DYNC1I1: variants seen among roughly 807,000 people sequenced by gnomAD.
DYNC1I1 encodes the protein cytoplasmic dynein 1 intermediate chain 1.
Under a neutral mutation model 86.6 loss-of-function variants are expected in DYNC1I1, and 43 were observed. That is an observed-to-expected ratio of 0.50 (90% CI 0.39 to 0.64). DYNC1I1 has a LOEUF of 0.64. Ranked by LOEUF, DYNC1I1 falls within the 30% of genes least tolerant of loss-of-function variation. DYNC1I1 has a pLI of 0.00. For synonymous variants in DYNC1I1, 262 were observed against 283.7 expected (o/e 0.92, Z 0.77); for missense variants, 604 against 788.8 (o/e 0.77, Z 2.81).
intron 6 of DYNC1I1, among the ~76,000 whole-genome samples, chr7:95,912,451 ATC>A (rs757850741): frequency 3.3e-5 from 5 of 152,054 alleles, no homozygotes; most frequent in Admixed American, 2.0e-4. Flanking sequence ...GATACGTTTA[ATC>A]TCTCTTGTTC....
At chr7:96,105,024 A>G (rs1427459450) in intron 16 of DYNC1I1, among the ~76,000 whole-genome samples, 3 of 148,962 alleles carry the variant, frequency 2.0e-5, no homozygotes, top group African/African-American at 7.5e-5. Flanking sequence ...GAGTTCACCA[A>G]TAGGTTGTGC....
At chr7:96,018,077 A>C (rs535713005) in intron 10 of DYNC1I1, among the ~76,000 whole-genome samples, 1 of 152,178 alleles carries the variant, frequency 6.6e-6, no homozygotes. Context: ...CGATCTCTAC[A>C]CCAGCAGCAG....
In DYNC1I1 at chr7:95,990,662, T is replaced by C. The variant is rs898073337; in HGVS notation, c.843+3507T>C. ...CCTAACTTCTCTTGGCTTAAGTTTC[T>C]TCATTCATGAAATGATAATAATACC... is the stretch of plus-strand genomic sequence containing the variant. On this transcript the variant is annotated intron_variant, in intron 9 of 16. Coordinates refer to ENST00000447467, the MANE Select transcript of DYNC1I1 (RefSeq NM_001135556.2). Among the ~76,000 whole-genome samples the C allele has an allele frequency of 2.6e-5, 4 of 151,248 alleles. 1 individual carries two copies. Among genetic ancestry groups the C allele is most frequent in the South Asian group, 4.2e-4 (2 of 4,778 alleles).
chr7:96,006,222 A>T (rs1266496021), intron 10 of DYNC1I1, among the ~76,000 whole-genome samples: 1 of 152,100 alleles, frequency 6.6e-6, no homozygotes, highest in Non-Finnish European at 1.5e-5. Context: ...CTAATAATCA[A>T]TTTTTTAAAT....
rs375116771 is a variant in DYNC1I1, at chr7:95,810,493, G to A, written c.210G>A (p.Pro70=). ...EALLQSIGIS[P]EPPLVPTPMS... ...TGCTGCAAAGCATTGGTATCTCACC[G>A]GAGCCGCCTCTAGGTACTTAAAAGT... Residue 70 remains proline (P), a synonymous_variant, in exon 3 of 17, where the codon CCG becomes CCA. Coordinates refer to ENST00000447467, the MANE Select transcript of DYNC1I1 (RefSeq NM_001135556.2). 21 of 1,611,768 alleles carry A rather than the reference G, an allele frequency of 1.3e-5. No individual in the cohort carries two copies. Among genetic ancestry groups the A allele is most frequent in the South Asian group, 2.2e-5 (2 of 90,772 alleles).
intron 10 of DYNC1I1, among the ~76,000 whole-genome samples, chr7:96,000,981 TTTGTC>T (rs1793997148): frequency 1.3e-5 from 2 of 152,322 alleles, no homozygotes; most frequent in South Asian, 4.1e-4. Flanking sequence ...AATCGTTTTA[TTTGTC>T]TTGCCATGAC....
intron 6 of DYNC1I1, among the ~76,000 whole-genome samples, chr7:95,883,362 T>C (rs1790505200): frequency 1.3e-5 from 2 of 152,158 alleles, no homozygotes; most frequent in Non-Finnish European, 2.9e-5. Context: ...AGACACAGCA[T>C]TTTAAATGAA....
chr7:95,914,367 C>T (rs889173319), intron 6 of DYNC1I1, among the ~76,000 whole-genome samples: 4 of 152,002 alleles, frequency 2.6e-5, no homozygotes, highest in African/African-American at 7.3e-5. Context: ...ATCCTTTCTG[C>T]GGGTTGTGGA....
chr7:95,963,205 C>T (rs1177508683), intron 6 of DYNC1I1, among the ~76,000 whole-genome samples: 2 of 152,270 alleles, frequency 1.3e-5, no homozygotes, highest in African/African-American at 4.8e-5. Context: ...CCTTTCTTCC[C>T]TCTGCCCTTG....
chr7:96,097,797 A>G lies in DYNC1I1; in HGVS notation c.*204A>G, dbSNP rs138956079. The G allele has an allele frequency of 2.1e-3, 2,695 of 1,306,830 alleles. 10 individuals are homozygous for G. The highest frequency in any genetic ancestry group is 2.5e-3 in the Non-Finnish European group (2,575 of 1,025,236). 81.0% of individuals were successfully genotyped at this position (1,306,830 alleles called of 1,614,324 possible). On this transcript the variant is annotated 3_prime_UTR_variant, in exon 17 of 17. Transcript: ENST00000447467. ...ACCCAAAATTCACCACAGCATTTCT[A>G]TCTTTATATTTCTGTCTCAAAAATG...
chr7:95,953,638 C>G (rs1251364059), intron 6 of DYNC1I1, among the ~76,000 whole-genome samples: 1 of 152,164 alleles, frequency 6.6e-6, no homozygotes, highest in Non-Finnish European at 1.5e-5. Flanking sequence ...CTGTCAATCA[C>G]TGAGTTTAAC....
downstream of DYNC1I1, among the ~76,000 whole-genome samples, chr7:96,100,292 G>A (rs922108203): frequency 2.0e-5 from 3 of 151,962 alleles, no homozygotes; most frequent in Non-Finnish European, 2.9e-5. Context: ...TTCAGTCCAA[G>A]ACTAGCTGAC....
At chr7:95,828,203 C>A in intron 5 of DYNC1I1, 87 bp downstream of exon 5, 1 of 1,467,710 alleles carries the variant, frequency 6.8e-7, no homozygotes, top group African/African-American at 1.4e-5. Flanking sequence ...CTCTTGTGTT[C>A]TCCCCTTTTG....
intron 5 of DYNC1I1, among the ~76,000 whole-genome samples, chr7:95,846,802 T>G (rs2116045260): frequency 6.6e-6 from 1 of 152,318 alleles, no homozygotes; most frequent in Non-Finnish European, 1.5e-5. Flanking sequence ...CTCAGTACAT[T>G]AGAATTCAGT....
At chr7:96,028,068 T>A (rs1467330423) in intron 10 of DYNC1I1, 107 bp from the exon 11 acceptor site, 4 of 1,434,526 alleles carry the variant, frequency 2.8e-6, no homozygotes, top group Non-Finnish European at 3.8e-6. Flanking sequence ...ATTTTTTTGT[T>A]TTCCAGGATG....
intron 2 of DYNC1I1, among the ~76,000 whole-genome samples, chr7:95,808,867 G>C (rs866691422): frequency 3.3e-5 from 5 of 152,112 alleles, no homozygotes; most frequent in Admixed American, 6.5e-5. Context: ...AAACATAGTA[G>C]GATTCTGTAG....
chr7:95,858,987 G>A (rs1397499502), intron 5 of DYNC1I1, among the ~76,000 whole-genome samples: 1 of 143,726 alleles, frequency 7.0e-6, no homozygotes, highest in African/African-American at 2.6e-5. Context: ...AGATATTAAT[G>A]TATTTATTAT....
intron 4 of DYNC1I1, among the ~76,000 whole-genome samples, chr7:95,817,477 G>C (rs969363375): frequency 6.6e-6 from 1 of 152,054 alleles, no homozygotes; most frequent in African/African-American, 2.4e-5. Context: ...ACAAAGTAAT[G>C]CTCTATAAAG....
chr7:95,846,623 C>CTGTGTGTGTGTGTGTGTGTGTGTG (rs1314616292), intron 5 of DYNC1I1, among the ~76,000 whole-genome samples: 12 of 121,240 alleles, frequency 9.9e-5, no homozygotes, highest in Non-Finnish European at 3.5e-5. Context: ...ATAAATCTCT[C>CTGTGTGTGTGTGTGTGTGTGTGTG]TCTCTGTGTG....
Sources: gnomAD v4.1 joint callset for allele counts (sites outside exome capture counted in the v4.1 genomes callset) on GRCh38, gnomAD v4.1.1 for gene constraint, MANE v1.5 for transcripts, NCBI Gene and HGNC (gene_info 2026-07-23, HGNC 2026-07-21) for gene names.